FCHO2: variants seen among roughly 807,000 people sequenced by gnomAD.
FCHO2 encodes FCH and mu domain containing endocytic adaptor 2.
In FCHO2, 43 loss-of-function variants were observed where a neutral mutation model predicts 114.1. The ratio of observed to expected loss-of-function variants is 0.38; its 90% CI spans 0.30 to 0.49. The LOEUF (loss-of-function observed/expected upper bound fraction) is 0.49, where lower values mean the gene tolerates loss of function less well. Ranked by LOEUF, FCHO2 falls within the 20% of genes least tolerant of loss-of-function variation. The pLI is 0.97. For synonymous variants in FCHO2, 293 were observed against 315.2 expected, an observed-to-expected ratio of 0.93 and a Z score of 0.75; for missense variants, 807 against 950.4, an observed-to-expected ratio of 0.85 and a Z score of 1.98.
intron 5 of FCHO2, among the ~76,000 whole-genome samples, chr5:73,001,120 G>C (rs1267139429): frequency 2.0e-5 from 3 of 152,026 alleles, no homozygotes; most frequent in African/African-American, 7.2e-5. Context: ...TTTCTGGTGG[G>C]GCATGGTGGC....
chr5:72,994,155 T>A (rs73098080), intron 5 of FCHO2, among the ~76,000 whole-genome samples: 1,531 of 152,196 alleles, frequency 0.01, 27 homozygotes, highest in African/African-American at 0.035. Flanking sequence ...TTAAACGTAA[T>A]GGTTTCTGCA....
chr5:73,035,853 CT>C (rs1277882277), intron 9 of FCHO2, among the ~76,000 whole-genome samples: 2 of 151,692 alleles, frequency 1.3e-5, no homozygotes, highest in Non-Finnish European at 2.9e-5. Flanking sequence ...GTGCTGAATT[CT>C]TTTTTTTGAG....
At chr5:72,977,108 T>G (rs1752933553) in intron 2 of FCHO2, among the ~76,000 whole-genome samples, 1 of 152,180 alleles carries the variant, frequency 6.6e-6, no homozygotes, top group Non-Finnish European at 1.5e-5. Flanking sequence ...GTCTTTATAG[T>G]AGAATGATTT....
intron 5 of FCHO2, among the ~76,000 whole-genome samples, chr5:72,995,399 T>A (rs1754037748): frequency 6.6e-6 from 1 of 151,836 alleles, no homozygotes; most frequent in African/African-American, 2.4e-5. Flanking sequence ...GGGATTACAG[T>A]CATGTGCCAC....
intron 6 of FCHO2, among the ~76,000 whole-genome samples, chr5:73,011,249 T>G (rs1353019472): frequency 6.6e-6 from 1 of 152,184 alleles, no homozygotes; most frequent in East Asian, 1.9e-4. Flanking sequence ...ACTGTAGATT[T>G]AGGTTACATT....
intron 11 of FCHO2, among the ~76,000 whole-genome samples, chr5:73,047,034 T>A (rs976793973): frequency 6.6e-6 from 1 of 152,224 alleles, no homozygotes; most frequent in African/African-American, 2.4e-5. Context: ...CTTGGCAGCC[T>A]TTTCTTTCCA....
chr5:72,980,914 C>G (rs1753172274), intron 2 of FCHO2, among the ~76,000 whole-genome samples: 1 of 152,118 alleles, frequency 6.6e-6, no homozygotes, highest in South Asian at 2.1e-4. Flanking sequence ...GAGTCTTTGT[C>G]TTTTAATTGG....
intron 8 of FCHO2, among the ~76,000 whole-genome samples, chr5:73,030,774 A>G (rs1046248955): frequency 2.6e-5 from 4 of 152,202 alleles, no homozygotes; most frequent in African/African-American, 7.2e-5. Flanking sequence ...GGTGATTCTC[A>G]TACATAATAT....
chr5:72,975,969 A>C (rs1752846317), intron 2 of FCHO2, among the ~76,000 whole-genome samples: 1 of 152,218 alleles, frequency 6.6e-6, no homozygotes, highest in African/African-American at 2.4e-5. Flanking sequence ...CATAAGTTTT[A>C]ATTTAATTAA....
rs533258490 is a variant in FCHO2 at position 73,049,893 on chromosome 5, C to CATACAT, written c.940-1440_940-1435dup. ...ACATATATATACACATAGATATATA[C>CATACAT]ATACATATACATATACATATAAATA... On this transcript the variant is annotated intron_variant, in intron 11 of 25. Coordinates refer to ENST00000430046, the MANE Select transcript of FCHO2 (RefSeq NM_138782.3). Among the ~76,000 whole-genome samples the CATACAT allele has an allele frequency of 5.9e-3, 902 of 152,108 alleles. 5 individuals are homozygous for CATACAT. Among genetic ancestry groups the CATACAT allele is most frequent in the Non-Finnish European group, 9.5e-3 (644 of 67,988 alleles).
At chr5:73,063,983 T>G in intron 18 of FCHO2, 39 bp downstream of exon 18, 2 of 1,501,746 alleles carry the variant, frequency 1.3e-6, no homozygotes, top group Non-Finnish European at 1.8e-6. Flanking sequence ...TTAACTGTTT[T>G]GATTTAAGAT....
intron 8 of FCHO2, among the ~76,000 whole-genome samples, chr5:73,030,176 G>A (rs964864442): frequency 5.9e-5 from 9 of 151,710 alleles, no homozygotes; most frequent in Admixed American, 2.0e-4. Context: ...CAAGTAGCTG[G>A]GATTACAGGG....
chr5:73,086,894 G>A (rs1200195945), intron 24 of FCHO2, among the ~76,000 whole-genome samples: 1 of 152,082 alleles, frequency 6.6e-6, no homozygotes, highest in Non-Finnish European at 1.5e-5. Context: ...TGTATCTTTG[G>A]TAACTTCTGC....
At chr5:72,997,713 G>C in intron 5 of FCHO2, 1 of 1,512,678 alleles carries the variant, frequency 6.6e-7, no homozygotes. Flanking sequence ...GATACCGTTT[G>C]ATGCCCTGTC....
Position 73,055,222 on chromosome 5 carries a change from A to G in FCHO2, c.1210+673A>G. The stretch of plus-strand genomic sequence containing the variant: ...CTTAATGATAGGGGGTGTGAGGAAA[A>G]TGAGGATAAATGCAGGGTGCTGAGT... On this transcript the variant is annotated intron_variant, in intron 15 of 25. Coordinates refer to ENST00000430046, the MANE Select transcript of FCHO2 (RefSeq NM_138782.3). 2.4e-5 allele frequency: 5 copies of G among 212,366 alleles called. No homozygotes were observed. The South Asian group carries it at 3.4e-4, about 14-fold the overall frequency. The allele number at this position is 212,366 out of a possible 1,614,324, so 13.2% of individuals were successfully genotyped here. A position where few individuals can be genotyped will look rare whatever the true frequency, so the allele number is the denominator to read the frequency against.
chr5:73,018,690 T>C (rs574343118), intron 8 of FCHO2, among the ~76,000 whole-genome samples: 28 of 152,288 alleles, frequency 1.8e-4, no homozygotes, highest in African/African-American at 6.7e-4. Context: ...AGTACCTCTC[T>C]ATAGATCAGT....
chr5:73,041,208 A>G, intron 10 of FCHO2, 83 bp from the exon 11 acceptor site: 1 of 844,924 alleles, frequency 1.2e-6, no homozygotes, highest in Non-Finnish European at 1.9e-6. Context: ...AGCTATATTT[A>G]AGTACCAAAG....
intron 24 of FCHO2, among the ~76,000 whole-genome samples, chr5:73,085,793 T>C (rs997806171): frequency 2.4e-4 from 6 of 24,922 alleles, no homozygotes; most frequent in African/African-American, 5.7e-4. Flanking sequence ...AATAAATAAA[T>C]AAATAAATAA....
At chr5:73,051,556 T>C (rs1019967033) in intron 12 of FCHO2, 150 bp downstream of exon 12, 4 of 588,566 alleles carry the variant, frequency 6.8e-6, no homozygotes, top group Non-Finnish European at 1.1e-5. Flanking sequence ...TTTGTTGTTG[T>C]TGTTTTTTGT....
Sources: allele counts gnomAD v4.1 joint callset (sites outside exome capture counted in the v4.1 genomes callset), GRCh38; gene constraint gnomAD v4.1.1; transcripts MANE v1.5; gene names NCBI Gene and HGNC (gene_info 2026-07-23, HGNC 2026-07-21).